Variants in AGBL4 observed in about 807,000 individuals in gnomAD.
AGBL4 encodes AGBL carboxypeptidase 4.
In AGBL4, 58 loss-of-function variants were observed where a neutral mutation model predicts 66.4. The observed-to-expected ratio is 0.87, with a 90% CI of 0.71 to 1.09. The LOEUF is 1.09. Among genes scored for constraint, AGBL4 ranks in the 50% least tolerant of loss-of-function variants. The pLI is 0.00. For missense variants in AGBL4, 579 were observed against 631.0 expected (o/e 0.92, Z 0.88); for synonymous variants, 234 against 222.9 (o/e 1.05, Z -0.44).
the AGBL4 span, among the ~76,000 whole-genome samples, chr1:48,522,539 T>TGA: frequency 6.6e-6 from 1 of 152,200 alleles, no homozygotes; most frequent in Non-Finnish European, 1.5e-5. Flanking sequence ...AAAACACTGC[T>TGA]TTATTTATTC....
At chr1:49,959,979 A>G (rs1436750735) in intron 1 of AGBL4, among the ~76,000 whole-genome samples, 2 of 151,952 alleles carry the variant, frequency 1.3e-5, no homozygotes, top group African/African-American at 2.4e-5. Flanking sequence ...ATACATGAAT[A>G]CTAGGAGGGG....
At chr1:49,950,036 A>C (rs1655960585) in intron 1 of AGBL4, among the ~76,000 whole-genome samples, 1 of 144,186 alleles carries the variant, frequency 6.9e-6, no homozygotes, top group African/African-American at 2.5e-5. Flanking sequence ...GTGTGTGTAT[A>C]TATATACACA....
chr1:48,772,371 C>A (rs1486417676), intron 6 of AGBL4, among the ~76,000 whole-genome samples: 1 of 152,186 alleles, frequency 6.6e-6, no homozygotes. Context: ...GGGGGCTGGA[C>A]CACAAACTTC....
At chr1:48,743,821 G>A (rs1004104860) in intron 6 of AGBL4, among the ~76,000 whole-genome samples, 3 of 152,166 alleles carry the variant, frequency 2.0e-5, no homozygotes, top group East Asian at 3.8e-4. Flanking sequence ...CTAGACTTTG[G>A]TTGGTGGCAG....
chr1:49,596,641 G>T (rs1017161313), intron 3 of AGBL4, among the ~76,000 whole-genome samples: 4 of 151,984 alleles, frequency 2.6e-5, no homozygotes, highest in Non-Finnish European at 5.9e-5. Context: ...ATCCTTGCTG[G>T]GTATTTCATC....
At chr1:48,841,031 A>G (rs116320190) in intron 6 of AGBL4, among the ~76,000 whole-genome samples, 12 of 152,306 alleles carry the variant, frequency 7.9e-5, no homozygotes, top group Non-Finnish European at 1.5e-4. Context: ...GCTACATTGT[A>G]TATGATTCCA....
At chr1:49,286,863 T>C (rs1199510293) in intron 3 of AGBL4, among the ~76,000 whole-genome samples, 3 of 152,194 alleles carry the variant, frequency 2.0e-5, no homozygotes, top group African/African-American at 7.2e-5. Flanking sequence ...GAAAAACTAC[T>C]TTAAAATTCA....
chr1:49,726,104 G>A (rs1042885463), intron 2 of AGBL4, among the ~76,000 whole-genome samples: 5 of 152,048 alleles, frequency 3.3e-5, no homozygotes, highest in African/African-American at 7.2e-5. Flanking sequence ...TGACAATGAC[G>A]GTAGAATTAT....
intron 5 of AGBL4, among the ~76,000 whole-genome samples, chr1:48,966,039 T>C (rs1047783791): frequency 6.6e-6 from 1 of 152,254 alleles, no homozygotes; most frequent in East Asian, 1.9e-4. Context: ...GTTACTCAAA[T>C]GCTCTCACCC....
intron 5 of AGBL4, among the ~76,000 whole-genome samples, chr1:49,023,229 G>T (rs750099011): frequency 1.3e-5 from 2 of 152,068 alleles, no homozygotes; most frequent in Non-Finnish European, 2.9e-5. Flanking sequence ...AGGCCTGGAG[G>T]CCCCATGAAA....
At chr1:49,001,513 C>A (rs535866585) in intron 5 of AGBL4, among the ~76,000 whole-genome samples, 1 of 152,296 alleles carries the variant, frequency 6.6e-6, no homozygotes, top group East Asian at 1.9e-4. Context: ...TTTGCAGTGA[C>A]CTGTGCTTCT....
At chr1:49,613,140 A>T (rs994687477) in intron 3 of AGBL4, among the ~76,000 whole-genome samples, 4 of 152,136 alleles carry the variant, frequency 2.6e-5, no homozygotes, top group Non-Finnish European at 5.9e-5. Context: ...CAAAAAACCA[A>T]ATACTGCATG....
At chr1:49,283,510 C>A (rs1215887610) in intron 3 of AGBL4, among the ~76,000 whole-genome samples, 1 of 152,214 alleles carries the variant, frequency 6.6e-6, no homozygotes, top group Non-Finnish European at 1.5e-5. Context: ...CGGAACAAAG[C>A]TGGATGGAGA....
At chr1:48,655,683 G>A (rs901114596) in intron 7 of AGBL4, among the ~76,000 whole-genome samples, 13 of 152,210 alleles carry the variant, frequency 8.5e-5, no homozygotes, top group Admixed American at 8.5e-4. Flanking sequence ...TTGAAAGGCA[G>A]TGGGTAGTTA....
chr1:49,066,749 C>G (rs1421073049), intron 4 of AGBL4, among the ~76,000 whole-genome samples: 1 of 152,144 alleles, frequency 6.6e-6, no homozygotes, highest in Non-Finnish European at 1.5e-5. Context: ...GGATCTATGT[C>G]CCTGGGAGCA....
chr1:49,107,445 A>G (rs1337382946), intron 4 of AGBL4, among the ~76,000 whole-genome samples: 1 of 152,130 alleles, frequency 6.6e-6, no homozygotes, highest in African/African-American at 2.4e-5. Flanking sequence ...GTATCTGTAC[A>G]AGGATTAGGA....
rs1645527315 is a variant in AGBL4, at chr1:48,790,616, C to G, written c.634+76575G>C. Among the ~76,000 whole-genome samples, 2 of 152,172 alleles carry G rather than the reference C, an allele frequency of 1.3e-5. 1 individual carries two copies. Among genetic ancestry groups the G allele is most frequent in the South Asian group, 4.1e-4 (2 of 4,824 alleles). On this transcript the variant is annotated intron_variant, in intron 6 of 13. Coordinates refer to ENST00000371839, the MANE Select transcript of AGBL4 (RefSeq NM_032785.4). ...AAGTCAAAGAGTTTGTCATTGACTG[C>G]TATGGTTTGAATGTGCCCCTCAAAG...
chr1:48,770,764 ACAT>A (rs1474388660), intron 6 of AGBL4, among the ~76,000 whole-genome samples: 1 of 152,116 alleles, frequency 6.6e-6, no homozygotes, highest in Non-Finnish European at 1.5e-5. Flanking sequence ...CCAGATCACC[ACAT>A]CATCATCATA....
intron 5 of AGBL4, among the ~76,000 whole-genome samples, chr1:49,037,029 A>G (rs1664722083): frequency 6.6e-6 from 1 of 152,040 alleles, no homozygotes; most frequent in Admixed American, 6.6e-5. Flanking sequence ...CTCGAACGTT[A>G]AAAGAAGATG....
Sources: allele counts gnomAD v4.1 joint callset (sites outside exome capture counted in the v4.1 genomes callset), GRCh38; gene constraint gnomAD v4.1.1; transcripts MANE v1.5; gene names NCBI Gene and HGNC (gene_info 2026-07-23, HGNC 2026-07-21).